DLGAP2: variants seen among roughly 807,000 people sequenced by gnomAD.
DLGAP2 encodes the protein DLG associated protein 2, also known as disks large-associated protein 2.
Under a neutral mutation model 100.3 loss-of-function variants are expected in DLGAP2, and 26 were observed. The ratio of observed to expected loss-of-function variants is 0.26; its 90% CI spans 0.19 to 0.36. The LOEUF (loss-of-function observed/expected upper bound fraction) is 0.36. Ranked by LOEUF, DLGAP2 falls within the 10% of genes least tolerant of loss-of-function variation. The probability of loss-of-function intolerance (pLI) is 1.00; values close to 1 mark genes in which losing one functional copy is unlikely to be tolerated. For missense variants in DLGAP2, 1,858 were observed against 1,453.2 expected (o/e 1.28, Z -4.53); for synonymous variants, 886 against 630.1 (o/e 1.41, Z -6.08).
At chr8:1,166,725 C>T (rs1158861526) in intron 2 of DLGAP2, among the ~76,000 whole-genome samples, 3 of 152,134 alleles carry the variant, frequency 2.0e-5, no homozygotes, top group Non-Finnish European at 4.4e-5. Flanking sequence ...AAAAACATCA[C>T]AGTTTACCTC....
At chr8:1,201,816 G>A (rs143337612) in intron 2 of DLGAP2, among the ~76,000 whole-genome samples, 26 of 152,330 alleles carry the variant, frequency 1.7e-4, no homozygotes, top group East Asian at 1.5e-3. Flanking sequence ...GTACGTGTGT[G>A]CGGTGTAGGT....
chr8:1,059,476 C>A (rs560796209), intron 2 of DLGAP2, among the ~76,000 whole-genome samples: 1 of 152,184 alleles, frequency 6.6e-6, no homozygotes, highest in Non-Finnish European at 1.5e-5. Flanking sequence ...GGAGCTCCAG[C>A]CTCGGGCTGC....
chr8:1,259,059 GT>G (rs1799288931), intron 3 of DLGAP2, among the ~76,000 whole-genome samples, 176 bp downstream of exon 3: 1 of 152,242 alleles, frequency 6.6e-6, no homozygotes, highest in Non-Finnish European at 1.5e-5. Context: ...CAAGGTGAGC[GT>G]TAGGACTCAG....
At chr8:1,682,726 G>A (rs1237836050) in intron 12 of DLGAP2, among the ~76,000 whole-genome samples, 1 of 151,282 alleles carries the variant, frequency 6.6e-6, no homozygotes, top group East Asian at 1.9e-4. Flanking sequence ...TGCCCCCCTT[G>A]CCCTTGCAAA....
chr8:1,376,470 C>G (rs1190248431), intron 3 of DLGAP2, among the ~76,000 whole-genome samples: 3 of 152,274 alleles, frequency 2.0e-5, no homozygotes, highest in East Asian at 1.9e-4. Flanking sequence ...CTGGGCTGAC[C>G]TGCGCTTCAG....
rs1377346597 is a variant in DLGAP2, at chr8:1,703,331, A to G, written c.*1925A>G. 1 of 152,664 alleles carries G rather than the reference A, an allele frequency of 6.6e-6. No homozygotes were observed. The allele number at this position is 152,664 out of a possible 1,614,324, so 9.5% of individuals were successfully genotyped here. On this transcript the variant is annotated 3_prime_UTR_variant, in exon 15 of 15. Transcript: ENST00000637795. ...AAAAAAATCCCTGAAATATTCTTCT[A>G]TAAATGAATCCTATTTCCCCAGAGT...
chr8:1,039,438 C>T (rs1288545277), intron 2 of DLGAP2, among the ~76,000 whole-genome samples: 2 of 146,130 alleles, frequency 1.4e-5, no homozygotes, highest in East Asian at 2.1e-4. Flanking sequence ...GTAGTCGGCT[C>T]GGTGTGTGTG....
At chr8:1,543,872 G>C (rs994175669) in intron 4 of DLGAP2, among the ~76,000 whole-genome samples, 1 of 151,742 alleles carries the variant, frequency 6.6e-6, no homozygotes, top group African/African-American at 2.4e-5. Flanking sequence ...ATGTTTTCTA[G>C]TTTTCAGTGT....
intron 2 of DLGAP2, among the ~76,000 whole-genome samples, chr8:1,135,635 C>T (rs142931376): frequency 0.012 from 1,765 of 150,438 alleles, 16 homozygotes; most frequent in Middle Eastern, 0.025. Flanking sequence ...ATCCCTTCCT[C>T]ACTGCCTTGC....
intron 2 of DLGAP2, among the ~76,000 whole-genome samples, chr8:1,051,419 G>T (rs986233126): frequency 6.6e-6 from 1 of 152,086 alleles, no homozygotes; most frequent in Non-Finnish European, 1.5e-5. Flanking sequence ...ACCCTCAGAT[G>T]CAAAATGATC....
chr8:1,572,302 A>C (rs1235736454), intron 6 of DLGAP2, among the ~76,000 whole-genome samples: 12 of 101,898 alleles, frequency 1.2e-4, no homozygotes, highest in Non-Finnish European at 1.3e-4. Context: ...GGGGCATCTG[A>C]TGAGATGGAG....
chr8:785,004 G>C (rs187682724), intron 1 of DLGAP2, among the ~76,000 whole-genome samples: 1 of 151,860 alleles, frequency 6.6e-6, no homozygotes, highest in Admixed American at 6.6e-5. Context: ...TCAGGAGATC[G>C]AGACCATCCT....
chr8:894,452 A>G (rs1798099496), intron 1 of DLGAP2, among the ~76,000 whole-genome samples: 1 of 152,034 alleles, frequency 6.6e-6, no homozygotes, highest in African/African-American at 2.4e-5. Flanking sequence ...GCCTTAAAAA[A>G]GAATGAAATC....
intron 4 of DLGAP2, among the ~76,000 whole-genome samples, chr8:1,537,240 C>T (rs369361573): frequency 3.2e-4 from 48 of 152,146 alleles, no homozygotes; most frequent in South Asian, 2.9e-3. Flanking sequence ...TGTGTGTTTG[C>T]GTGTGCGTGC....
chr8:1,065,965 G>T (rs1157171893), intron 2 of DLGAP2, among the ~76,000 whole-genome samples: 1 of 152,236 alleles, frequency 6.6e-6, no homozygotes, highest in Non-Finnish European at 1.5e-5. Context: ...ACACTGCCGA[G>T]CTGGACACTG....
chr8:1,292,395 A>G (rs1800077925), intron 3 of DLGAP2, among the ~76,000 whole-genome samples: 1 of 152,284 alleles, frequency 6.6e-6, no homozygotes, highest in African/African-American at 2.4e-5. Flanking sequence ...CCAGTCAGGG[A>G]GAGCTGCCTC....
intron 1 of DLGAP2, among the ~76,000 whole-genome samples, chr8:878,928 A>G (rs986819175): frequency 2.0e-5 from 3 of 152,180 alleles, no homozygotes; most frequent in Non-Finnish European, 2.9e-5. Context: ...CCTGCCTCAG[A>G]TACTGTGTTA....
At chr8:1,362,938 C>T (rs538336181) in intron 3 of DLGAP2, among the ~76,000 whole-genome samples, 24 of 152,288 alleles carry the variant, frequency 1.6e-4, no homozygotes, top group Admixed American at 7.2e-4. Flanking sequence ...GCTTTCTTCA[C>T]TTCGGGGCAG....
At chr8:1,305,374 A>G (rs1800466470) in intron 3 of DLGAP2, among the ~76,000 whole-genome samples, 1 of 152,152 alleles carries the variant, frequency 6.6e-6, no homozygotes, top group African/African-American at 2.4e-5. Context: ...TTTGGTTTAG[A>G]TAATTCGTGT....
Sources: gnomAD v4.1 joint callset for allele counts (sites outside exome capture counted in the v4.1 genomes callset) on GRCh38, gnomAD v4.1.1 for gene constraint, MANE v1.5 for transcripts, NCBI Gene and HGNC (gene_info 2026-07-23, HGNC 2026-07-21) for gene names.